Variants in CDC42 observed in about 807,000 individuals in gnomAD.
CDC42 encodes the protein cell division cycle 42, also known as cell division control protein 42 homolog.
CDC42 carries 1 observed loss-of-function variant against 20.8 expected under a neutral mutation model. The ratio of observed to expected loss-of-function variants is 0.05; its 90% CI spans 0.02 to 0.23. The LOEUF (loss-of-function observed/expected upper bound fraction) is 0.23. CDC42 is among the 10% of genes least tolerant of loss of function. The pLI, the probability that CDC42 is intolerant of heterozygous loss-of-function variation, is 1.00. For synonymous variants in CDC42, 72 were observed against 84.8 expected, an observed-to-expected ratio of 0.85 and a Z score of 0.83; for missense variants, 49 against 227.9, an observed-to-expected ratio of 0.21 and a Z score of 5.05.
chr1:22,053,756 C>T (rs954846158), intron 1 of CDC42, among the ~76,000 whole-genome samples: 1 of 152,164 alleles, frequency 6.6e-6, no homozygotes, highest in African/African-American at 2.4e-5. Context: ...CCCAACACGT[C>T]GTATTCACAG....
chr1:22,069,790 T>A (rs1425211795), intron 1 of CDC42, among the ~76,000 whole-genome samples: 1 of 144,538 alleles, frequency 6.9e-6, no homozygotes, highest in Non-Finnish European at 1.5e-5. Flanking sequence ...TTTTGTTTGT[T>A]TGTTTTTGTT....
intron 3 of CDC42, among the ~76,000 whole-genome samples, chr1:22,083,732 T>C (rs1474240586): frequency 6.6e-6 from 1 of 152,230 alleles, no homozygotes; most frequent in Non-Finnish European, 1.5e-5. Flanking sequence ...CACTGAATGG[T>C]GTTGGCACCC....
intron 5 of CDC42, chr1:22,090,107 A>G (rs1176410243): frequency 1.3e-6 from 2 of 1,551,994 alleles, no homozygotes; most frequent in African/African-American, 2.7e-5. Flanking sequence ...AAACAAAGGA[A>G]TAAAACCATC....
intron 3 of CDC42, among the ~76,000 whole-genome samples, chr1:22,086,234 A>G (rs780804546): frequency 6.6e-6 from 1 of 152,242 alleles, no homozygotes; most frequent in Non-Finnish European, 1.5e-5. Flanking sequence ...AGCAAATAAC[A>G]TAATAGTAAA....
chr1:22,088,268 C>A (rs1013520193), intron 5 of CDC42, among the ~76,000 whole-genome samples: 1 of 152,226 alleles, frequency 6.6e-6, no homozygotes, highest in African/African-American at 2.4e-5. Flanking sequence ...GCTTCTGATG[C>A]ATACCTCTGT....
At chr1:22,082,375 A>G (rs1314578082) in intron 3 of CDC42, among the ~76,000 whole-genome samples, 2 of 152,212 alleles carry the variant, frequency 1.3e-5, no homozygotes, top group East Asian at 1.9e-4. Flanking sequence ...AGAGTGAACT[A>G]TTATCTGCTC....
chr1:22,067,770 C>G (rs1305225763), intron 1 of CDC42, among the ~76,000 whole-genome samples: 1 of 152,188 alleles, frequency 6.6e-6, no homozygotes, highest in African/African-American at 2.4e-5. Flanking sequence ...ACCTAATCAC[C>G]TCCCAGCAGT....
At chr1:22,059,531 G>A (rs369635201) in intron 1 of CDC42, 1 of 147,278 alleles carries the variant, frequency 6.8e-6, no homozygotes, top group African/African-American at 2.5e-5. Context: ...CTACCCGCCT[G>A]AAAAAATTAT....
chr1:22,084,706 T>G (rs1405768792), intron 3 of CDC42, among the ~76,000 whole-genome samples: 2 of 152,202 alleles, frequency 1.3e-5, no homozygotes, highest in Non-Finnish European at 2.9e-5. Flanking sequence ...TTTGGTGTGA[T>G]ATCCAAACAA....
intron 1 of CDC42, among the ~76,000 whole-genome samples, chr1:22,058,799 G>A (rs553082298): frequency 3.0e-4 from 45 of 151,672 alleles, no homozygotes; most frequent in Admixed American, 9.2e-4. Context: ...GCACCCAGCC[G>A]AATTACGTAT....
intron 1 of CDC42, among the ~76,000 whole-genome samples, chr1:22,075,949 TC>T (rs1487126360): frequency 6.6e-6 from 1 of 152,190 alleles, no homozygotes; most frequent in Non-Finnish European, 1.5e-5. Flanking sequence ...CTTATCTTAC[TC>T]CCTTCTCCCA....
At position 22,098,128 on chromosome 1, in the gene CDC42, C is replaced by A. The variant is rs998551334; in HGVS notation, c.*6611C>A. 1.3e-5 allele frequency among the ~76,000 whole-genome samples: 2 copies of A among 152,176 alleles called. No individual in the cohort carries two copies. Among genetic ancestry groups the A allele is most frequent in the African/African-American group, 4.8e-5 (2 of 41,444 alleles). On this transcript the variant is annotated 3_prime_UTR_variant, in exon 6 of 6. Transcript: ENST00000656825. ...TCCTGGACCCTGTAGGATTTACTCT[C>A]AATCTTTAGGGGTAGAGACTAGGAG...
At chr1:22,086,929 AC>A (rs1557906790) in intron 5 of CDC42, 63 bp downstream of exon 5, 1 of 1,364,568 alleles carries the variant, frequency 7.3e-7, no homozygotes, top group African/African-American at 1.4e-5. Context: ...GCATTAGGAT[AC>A]AGGAGTTATT....
rs929919404 is a variant in CDC42, at chr1:22,099,621, G to C, written c.*8104G>C. On this transcript the variant is annotated 3_prime_UTR_variant, in exon 6 of 6. Transcript: ENST00000656825. ...AGCATAAAAGGCTTCATCTGTAAGG[G>C]TAGGTTTGTTGGGTAGGAGCTTTTT... is the stretch of plus-strand genomic sequence containing the variant. 2.6e-5 allele frequency among the ~76,000 whole-genome samples: 4 copies of C among 152,184 alleles called. No individual in the cohort carries two copies. The highest frequency in any genetic ancestry group is 4.4e-5 in the Non-Finnish European group (3 of 68,034).
intron 3 of CDC42, among the ~76,000 whole-genome samples, chr1:22,084,729 T>C (rs1645644263): frequency 6.6e-6 from 1 of 152,186 alleles, no homozygotes. Flanking sequence ...TATTGCCAAG[T>C]CCACCTGAAT....
At chr1:22,065,918 C>A (rs1017812895) in intron 1 of CDC42, among the ~76,000 whole-genome samples, 1 of 152,006 alleles carries the variant, frequency 6.6e-6, no homozygotes, top group Non-Finnish European at 1.5e-5. Flanking sequence ...GCCACCATGC[C>A]TGGCTAATTT....
intron 3 of CDC42, 30 bp downstream of exon 3, chr1:22,081,824 T>C (rs1645610894): frequency 7.2e-7 from 1 of 1,398,584 alleles, no homozygotes; most frequent in South Asian, 1.2e-5. Context: ...TATACTGTTT[T>C]GATCTTTAAC....
rs565524560 is a variant in CDC42 at position 22,078,754 on chromosome 1, A to T, written c.105+171A>T. 5.4e-6 allele frequency: 8 copies of T among 1,493,374 alleles called. No homozygotes were observed. The Admixed American group carries it at 8.1e-5, about 15-fold the overall frequency. 92.5% of individuals were successfully genotyped at this position (1,493,374 alleles called of 1,614,324 possible). On this transcript the variant is annotated intron_variant, in intron 2 of 5. Transcript: ENST00000656825. ...TATATACACTTTAAACAGCTGAAAA[A>T]TCAGTGGAAAGTCAGAAGGGGTGAC... is the stretch of plus-strand genomic sequence containing the variant.
intron 4 of CDC42, 26 bp downstream of exon 4, chr1:22,086,574 TAAG>T (rs780685143): frequency 2.5e-6 from 4 of 1,586,602 alleles, no homozygotes; most frequent in South Asian, 1.1e-5. Context: ...ACTCTTGCCC[TAAG>T]AAGATCATCT....
Sources: allele counts gnomAD v4.1 joint callset (sites outside exome capture counted in the v4.1 genomes callset), GRCh38; gene constraint gnomAD v4.1.1; transcripts MANE v1.5; gene names NCBI Gene and HGNC (gene_info 2026-07-23, HGNC 2026-07-21).